NEBL: variants seen among roughly 807,000 people sequenced by gnomAD.
The protein encoded by NEBL is nebulette, also known as LIM and SH3 protein 2.
A neutral mutation model predicts 140.2 loss-of-function variants in NEBL; 122 were observed. That is an observed-to-expected ratio of 0.87 (90% CI 0.75 to 1.01). The LOEUF is 1.01. Ranked by LOEUF, NEBL falls within the 50% of genes least tolerant of loss-of-function variation. The probability of loss-of-function intolerance (pLI) is 0.00; values close to 1 mark genes in which losing one functional copy is unlikely to be tolerated. For missense variants in NEBL, 1,365 were observed against 1,231.3 expected (o/e 1.11, Z -1.62); for synonymous variants, 436 against 398.9 (o/e 1.09, Z -1.11).
At chr10:20,931,632 G>A (rs1454419351) in intron 4 of NEBL, among the ~76,000 whole-genome samples, 3 of 152,228 alleles carry the variant, frequency 2.0e-5, no homozygotes, top group Non-Finnish European at 2.9e-5. Flanking sequence ...AATCCCAGAC[G>A]CTGGAGTTTC....
chr10:20,959,869 T>G (rs1835974359), intron 4 of NEBL, among the ~76,000 whole-genome samples: 1 of 152,088 alleles, frequency 6.6e-6, no homozygotes, highest in African/African-American at 2.4e-5. Context: ...ATGGTGCTTT[T>G]TATACTGCTG....
chr10:20,825,604 C>T (rs1020316234), intron 18 of NEBL, among the ~76,000 whole-genome samples: 3 of 151,250 alleles, frequency 2.0e-5, no homozygotes, highest in Non-Finnish European at 2.9e-5. Flanking sequence ...GAGGCAGTTG[C>T]GGTGAGCTGA....
chr10:21,169,930 G>A (rs564219091), intron 2 of NEBL, among the ~76,000 whole-genome samples: 150 of 152,200 alleles, frequency 9.9e-4, no homozygotes, highest in African/African-American at 3.3e-3. Flanking sequence ...ACAAAACAAC[G>A]GGATGTTTCT....
chr10:21,266,863 T>A (rs1842802151), intron 1 of NEBL, among the ~76,000 whole-genome samples: 1 of 152,166 alleles, frequency 6.6e-6, no homozygotes, highest in South Asian at 2.1e-4. Context: ...CTGCAACCTC[T>A]GCCTCCCGGG....
chr10:21,146,388 A>T, intron 2 of NEBL: 2 of 1,610,870 alleles, frequency 1.2e-6, no homozygotes, highest in Non-Finnish European at 1.7e-6. Context: ...GAAAAAAATG[A>T]CTGGTTGATT....
intron 2 of NEBL, among the ~76,000 whole-genome samples, chr10:21,045,527 A>G (rs1834470500): frequency 6.6e-6 from 1 of 152,230 alleles, no homozygotes; most frequent in Non-Finnish European, 1.5e-5. Flanking sequence ...AATAGTAAGA[A>G]AACAAATAAC....
chr10:20,818,508 C>T (rs1838961762), intron 20 of NEBL, among the ~76,000 whole-genome samples: 1 of 152,164 alleles, frequency 6.6e-6, no homozygotes, highest in Non-Finnish European at 1.5e-5. Flanking sequence ...AAATGTTTTC[C>T]ATTTATAAGG....
At chr10:21,254,072 C>CTT (rs1842623693) in intron 1 of NEBL, among the ~76,000 whole-genome samples, 1 of 152,100 alleles carries the variant, frequency 6.6e-6, no homozygotes, top group South Asian at 2.1e-4. Flanking sequence ...ATTTAAATGT[C>CTT]TTATGATAAT....
intron 3 of NEBL, among the ~76,000 whole-genome samples, chr10:21,210,221 G>C (rs1275014286): frequency 1.3e-5 from 2 of 152,050 alleles, no homozygotes; most frequent in Admixed American, 6.6e-5. Flanking sequence ...GTGAAACCCT[G>C]TCTCTACCAA....
upstream of NEBL, among the ~76,000 whole-genome samples, chr10:20,902,078 C>T (rs1847894000): frequency 6.6e-6 from 1 of 152,066 alleles, no homozygotes; most frequent in Non-Finnish European, 1.5e-5. Context: ...GCAACCTAAA[C>T]ATGTGTCACC....
intron 2 of NEBL, among the ~76,000 whole-genome samples, chr10:21,145,518 T>A (rs1839850778): frequency 6.6e-6 from 1 of 152,228 alleles, no homozygotes; most frequent in Admixed American, 6.5e-5. Flanking sequence ...ACTCGGTAAG[T>A]ATCTGTTGAA....
intron 4 of NEBL, 68 bp from the exon 5 acceptor site, chr10:20,880,972 TTTTG>T: frequency 7.9e-7 from 1 of 1,266,444 alleles, no homozygotes; most frequent in Non-Finnish European, 1.2e-6. Flanking sequence ...AATTTCAGTG[TTTTG>T]CCAGGACTTT....
chr10:20,895,689 A>T (rs1847415457), intron 2 of NEBL, among the ~76,000 whole-genome samples: 1 of 152,230 alleles, frequency 6.6e-6, no homozygotes, highest in African/African-American at 2.4e-5. Context: ...CTTAATTTAA[A>T]GGGTAATTAC....
Position 20,781,443 on chromosome 10 carries a change from C to A in NEBL, c.*4304G>T, listed in dbSNP as rs1332567926. 1 of 152,162 alleles carries A rather than the reference C, an allele frequency of 6.6e-6. No individual in the cohort carries two copies. Among genetic ancestry groups the A allele is most frequent in the African/African-American group, 2.4e-5 (1 of 41,436 alleles). The allele number at this position is 152,162 out of a possible 1,614,324, so 9.4% of individuals were successfully genotyped here. On this transcript the variant is annotated 3_prime_UTR_variant, in exon 28 of 28. Transcript: ENST00000377122. Reference sequence around the variant, plus strand: ...CCTGTAATAGACTTGGTGCTGCTTCCTAAATGCTCAGCAATTCATTGCATG... The same window carrying A: ...CCTGTAATAGACTTGGTGCTGCTTCATAAATGCTCAGCAATTCATTGCATG...
intron 2 of NEBL, among the ~76,000 whole-genome samples, chr10:21,094,378 T>C (rs1210291056): frequency 6.6e-6 from 1 of 151,948 alleles, no homozygotes; most frequent in East Asian, 1.9e-4. Flanking sequence ...GGCAGGCGCC[T>C]GTAGTCCCAG....
chr10:20,881,853 A>G (rs1452110152), intron 4 of NEBL, among the ~76,000 whole-genome samples: 1 of 152,224 alleles, frequency 6.6e-6, no homozygotes, highest in Non-Finnish European at 1.5e-5. Flanking sequence ...ATATACTAAA[A>G]GCTTAATACT....
chr10:21,267,094 C>A (rs765948175), intron 1 of NEBL, among the ~76,000 whole-genome samples: 2 of 152,164 alleles, frequency 1.3e-5, no homozygotes, highest in Non-Finnish European at 1.5e-5. Context: ...CCTGCCTCAG[C>A]CTCCCGAGTA....
rs17797263 is a variant in NEBL at position 20,863,292 on chromosome 10, G to A, written c.685-3466C>T. ...CTGACATCATCTGTGACTCAGAATC[G>A]CAAAAAGCCAGCAAAGGCACAAAAA... On this transcript the variant is annotated intron_variant, in intron 7 of 27. Coordinates refer to ENST00000377122, the MANE Select transcript of NEBL (RefSeq NM_006393.3). 8.4e-3 allele frequency among the ~76,000 whole-genome samples: 1,279 copies of A among 152,160 alleles called. 7 individuals are homozygous for A. The highest frequency in any genetic ancestry group is 0.011 in the Non-Finnish European group (755 of 68,004).
chr10:21,008,427 A>T lies in NEBL; in HGVS notation c.249+11690T>A, dbSNP rs548379495. Among the ~76,000 whole-genome samples, 53 of 152,162 alleles carry T rather than the reference A, an allele frequency of 3.5e-4. 1 individual carries two copies. The South Asian group carries it at 0.011, about 31-fold the overall frequency. Reference sequence around the variant, plus strand: ...TATTGTTGTGGTTTTTTATTTTTAAATTTTTTTCCACAGATTTTTGGGGAA... The same window carrying T: ...TATTGTTGTGGTTTTTTATTTTTAATTTTTTTTCCACAGATTTTTGGGGAA... On this transcript the variant is annotated intron_variant, in intron 3 of 6. Transcript: ENST00000417816.
Sources: allele counts gnomAD v4.1 joint callset (sites outside exome capture counted in the v4.1 genomes callset), GRCh38; gene constraint gnomAD v4.1.1; transcripts MANE v1.5; gene names NCBI Gene and HGNC (gene_info 2026-07-23, HGNC 2026-07-21).